Variants in ZNF430 observed in about 807,000 individuals in gnomAD.
ZNF430 encodes zinc finger protein 430.
Under a neutral mutation model 56.7 loss-of-function variants are expected in ZNF430, and 35 were observed. The ratio of observed to expected loss-of-function variants is 0.62; its 90% CI spans 0.47 to 0.82. The LOEUF (loss-of-function observed/expected upper bound fraction) is 0.82, where lower values mean the gene tolerates loss of function less well. ZNF430 is among the 40% of genes least tolerant of loss of function. The probability of loss-of-function intolerance (pLI) is 0.00; values close to 1 mark genes in which losing one functional copy is unlikely to be tolerated. For synonymous variants in ZNF430, 212 were observed against 224.3 expected (o/e 0.94, Z 0.49); for missense variants, 574 against 661.0 (o/e 0.87, Z 1.44).
chr19:21,026,230 C>A (rs866333200), intron 2 of ZNF430, among the ~76,000 whole-genome samples: 3 of 151,670 alleles, frequency 2.0e-5, no homozygotes, highest in Admixed American at 6.6e-5. Flanking sequence ...ACTGTGTTGC[C>A]CCGGCTGGAG....
chr19:21,051,879 C>T (rs1473813601), intron 4 of ZNF430, among the ~76,000 whole-genome samples: 1 of 152,112 alleles, frequency 6.6e-6, no homozygotes, highest in Non-Finnish European at 1.5e-5. Flanking sequence ...ACTATAATGA[C>T]TTCAACATTG....
In ZNF430 at chr19:21,056,624, C is replaced by A; in HGVS notation, c.323-7C>A. 1 of 1,489,742 alleles carries A rather than the reference C, an allele frequency of 6.7e-7. No homozygotes were observed. Among genetic ancestry groups the A allele is most frequent in the Non-Finnish European group, 8.9e-7 (1 of 1,119,670 alleles). The allele number at this position is 1,489,742 out of a possible 1,614,324, so 92.3% of individuals were successfully genotyped here. On this transcript the variant is annotated splice_polypyrimidine_tract_variant and splice_region_variant and intron_variant, in intron 4 of 4. Transcript: ENST00000261560. ...ATGGAGTAATTTGTTATTTTTATTT[C>A]TTTCAGTTACATATTCTCATTTTGC...
intron 4 of ZNF430, chr19:21,034,803 T>C (rs1967969605): frequency 6.6e-6 from 1 of 152,372 alleles, no homozygotes; most frequent in African/African-American, 2.4e-5. Context: ...CCTCCCAAAG[T>C]ACTAGGATTA....
At chr19:21,032,148 T>C (rs1812085142) in intron 2 of ZNF430, among the ~76,000 whole-genome samples, 1 of 152,200 alleles carries the variant, frequency 6.6e-6, no homozygotes. Context: ...GTTTTCTCTA[T>C]TAACTCTATG....
chr19:21,041,046 T>A (rs1467806937), intron 4 of ZNF430, among the ~76,000 whole-genome samples: 1 of 152,210 alleles, frequency 6.6e-6, no homozygotes. Context: ...TTTGACTCAA[T>A]GCTAAAATGA....
At chr19:21,055,144 A>G (rs1599509589) in intron 4 of ZNF430, among the ~76,000 whole-genome samples, 1 of 151,950 alleles carries the variant, frequency 6.6e-6, no homozygotes. Context: ...TTTGTTTTCA[A>G]TTTTTAAAAT....
chr19:21,039,578 C>T (rs780530134), intron 4 of ZNF430, among the ~76,000 whole-genome samples: 30 of 151,132 alleles, frequency 2.0e-4, no homozygotes, highest in South Asian at 4.2e-4. Flanking sequence ...GCAATACTCC[C>T]GCCTCAGCCT....
At chr19:21,025,303 G>C (rs1296612604) in intron 2 of ZNF430, among the ~76,000 whole-genome samples, 6 of 152,156 alleles carry the variant, frequency 3.9e-5, no homozygotes, top group Non-Finnish European at 8.8e-5. Context: ...ATGTCTCCAT[G>C]GCATTTTGTA....
At position 21,056,772 on chromosome 19, in the gene ZNF430, G is replaced by A. The variant is rs1379255900; in HGVS notation, c.464G>A (p.Cys155Tyr). The A allele has an allele frequency of 6.2e-6, 10 of 1,613,858 alleles. No homozygotes were observed. In the African/African-American group the frequency reaches 9.3e-5, roughly 15 times the overall value. Reference protein sequence around the residue: ...LRTGCKSVDECNLHKECYDEL... With the variant: ...LRTGCKSVDEYNLHKECYDEL... Reference sequence around the variant, plus strand: ...ACAGGCTGTAAAAGTGTGGATGAGTGTAATCTGCACAAAGAATGTTATGAT... The same window carrying A: ...ACAGGCTGTAAAAGTGTGGATGAGTATAATCTGCACAAAGAATGTTATGAT... The change falls in exon 5 of 5, where the codon TGT becomes TAT. Residue 155 changes from cysteine to tyrosine, a missense_variant. Physicochemically the swap from Cys to Tyr is radical, Grantham distance 194 (BLOSUM62 -2). Transcript: ENST00000261560.
In ZNF430 at chr19:21,021,301, C is replaced by T. The variant is rs185287331; in HGVS notation, c.3+498C>T. Among the ~76,000 whole-genome samples the T allele has an allele frequency of 1.2e-3, 187 of 152,206 alleles. 2 individuals carry two copies. Among genetic ancestry groups the T allele is most frequent in the African/African-American group, 4.4e-3 (183 of 41,526 alleles). ...ATCACTAAGTCAGGAGAGTTCAAGACCAGCCTGGCCAGCATAGTGAAACCC... is the reference window on the plus strand; with the variant it reads ...ATCACTAAGTCAGGAGAGTTCAAGATCAGCCTGGCCAGCATAGTGAAACCC... On this transcript the variant is annotated intron_variant, in intron 1 of 4. Transcript: ENST00000261560.
chr19:21,053,427 T>C (rs1322025726), intron 4 of ZNF430: 1 of 152,220 alleles, frequency 6.6e-6, no homozygotes, highest in Admixed American at 6.5e-5. Flanking sequence ...AAAGTCTCAC[T>C]ATGTCGCCCA....
At chr19:21,049,173 CAAA>C (rs746043747) in intron 4 of ZNF430, among the ~76,000 whole-genome samples, 5 of 65,256 alleles carry the variant, frequency 7.7e-5, no homozygotes, top group African/African-American at 7.8e-5. Context: ...GACTCCATCT[CAAA>C]AAAAAAAAAA....
intron 1 of ZNF430, among the ~76,000 whole-genome samples, chr19:21,021,280 C>G (rs570812310): frequency 1.3e-5 from 2 of 152,224 alleles, no homozygotes; most frequent in Non-Finnish European, 2.9e-5. Context: ...GGGCGCATCA[C>G]TAAGTCAGGA....
intron 2 of ZNF430, among the ~76,000 whole-genome samples, chr19:21,032,470 G>A (rs558073136): frequency 2.0e-5 from 3 of 152,322 alleles, no homozygotes; most frequent in East Asian, 3.9e-4. Flanking sequence ...GCTCACACCT[G>A]TAATCCCAGC....
chr19:21,020,720 G>A lies in ZNF430; in HGVS notation c.-81G>A, dbSNP rs1281070207. The A allele has an allele frequency of 6.3e-7, 1 of 1,583,740 alleles. No homozygotes were observed. The highest frequency in any genetic ancestry group is 8.7e-7 in the Non-Finnish European group (1 of 1,153,826). Reference sequence around the variant, plus strand: ...GCGCTCTGTGTCCTCTGCTCCTAGAGGTCCAGGCTCTGTGGCCCTGTGACC... The same window carrying A: ...GCGCTCTGTGTCCTCTGCTCCTAGAAGTCCAGGCTCTGTGGCCCTGTGACC... On this transcript the variant is annotated 5_prime_UTR_variant, in exon 1 of 5. Coordinates refer to ENST00000261560, the MANE Select transcript of ZNF430 (RefSeq NM_025189.4).
intron 4 of ZNF430, among the ~76,000 whole-genome samples, chr19:21,042,822 T>G (rs1968129812): frequency 6.6e-6 from 1 of 152,102 alleles, no homozygotes; most frequent in African/African-American, 2.4e-5. Context: ...ATAACCACTA[T>G]TCTTACTGGC....
chr19:21,055,480 GCT>G (rs1007301259), intron 4 of ZNF430, among the ~76,000 whole-genome samples: 21 of 150,544 alleles, frequency 1.4e-4, no homozygotes, highest in Admixed American at 6.6e-4. Context: ...ACGGGGTCTT[GCT>G]CTGTCTCCCA....
rs1016814862 is a variant in ZNF430 at position 21,058,449 on chromosome 19, A to G, written c.*428A>G. The G allele has an allele frequency of 6.3e-6, 1 of 158,366 alleles. No homozygotes were observed. The highest frequency in any genetic ancestry group is 1.4e-5 in the Non-Finnish European group (1 of 70,282). 9.8% of individuals were successfully genotyped at this position (158,366 alleles called of 1,614,324 possible). On this transcript the variant is annotated 3_prime_UTR_variant, in exon 5 of 5. Coordinates refer to ENST00000261560, the MANE Select transcript of ZNF430 (RefSeq NM_025189.4). ...ACAAGAGTGGCACTCCATCTCAGAA[A>G]AAAAAAAAAAAGATAATTCATACTG...
At chr19:21,027,907 T>A (rs969995578) in intron 2 of ZNF430, among the ~76,000 whole-genome samples, 1 of 152,224 alleles carries the variant, frequency 6.6e-6, no homozygotes, top group African/African-American at 2.4e-5. Flanking sequence ...ATTCTCAAGC[T>A]TGGCCCAAAT....
Sources: gnomAD v4.1 joint callset for allele counts (sites outside exome capture counted in the v4.1 genomes callset) on GRCh38, gnomAD v4.1.1 for gene constraint, MANE v1.5 for transcripts, NCBI Gene and HGNC (gene_info 2026-07-23, HGNC 2026-07-21) for gene names.